The following KIF26B variants were observed in gnomAD, a reference collection of about 807,000 sequenced individuals.
KIF26B encodes the protein kinesin family member 26B, also known as kinesin-like protein KIF26B.
In KIF26B, 63 loss-of-function variants were observed where a neutral mutation model predicts 151.2. The ratio of observed to expected loss-of-function variants is 0.42; its 90% CI spans 0.34 to 0.51. The LOEUF is 0.51. Ranked by LOEUF, KIF26B falls within the 20% of genes least tolerant of loss-of-function variation. The pLI is 0.07. For missense variants in KIF26B, 2,813 were observed against 2,913.6 expected (o/e 0.97, Z 0.79); for synonymous variants, 1,357 against 1,262.1 (o/e 1.08, Z -1.59).
At chr1:245,260,870 A>G (rs1244447909) in intron 2 of KIF26B, among the ~76,000 whole-genome samples, 3 of 152,196 alleles carry the variant, frequency 2.0e-5, no homozygotes, top group African/African-American at 7.2e-5. Context: ...TTAACTCAAT[A>G]GCCTTCTTGT....
chr1:245,643,729 AT>A (rs2103183387), intron 9 of KIF26B, among the ~76,000 whole-genome samples: 1 of 152,270 alleles, frequency 6.6e-6, no homozygotes, highest in East Asian at 1.9e-4. Context: ...AAGTCAAAAA[AT>A]ATCTTTATTT....
chr1:245,482,012 C>T (rs186209342), intron 4 of KIF26B, among the ~76,000 whole-genome samples: 1 of 151,788 alleles, frequency 6.6e-6, no homozygotes, highest in Non-Finnish European at 1.5e-5. Context: ...AACGAGAGAG[C>T]ATATTTGATT....
At chr1:245,432,210 A>G (rs909336702) in intron 4 of KIF26B, among the ~76,000 whole-genome samples, 2 of 152,208 alleles carry the variant, frequency 1.3e-5, no homozygotes, top group Non-Finnish European at 2.9e-5. Flanking sequence ...CTAAGTCTCC[A>G]GATTGTCCTG....
chr1:245,287,332 C>A (rs1052658478), intron 2 of KIF26B, among the ~76,000 whole-genome samples: 4 of 151,926 alleles, frequency 2.6e-5, no homozygotes, highest in African/African-American at 9.7e-5. Flanking sequence ...CATTAAAAAG[C>A]AGAATTTGAG....
chr1:245,691,163 C>T (rs12143468), intron 12 of KIF26B, among the ~76,000 whole-genome samples: 88,607 of 151,734 alleles, frequency 0.58, 27,811 homozygotes, highest in Middle Eastern at 0.72. Flanking sequence ...TTGTTTTTTT[C>T]CCCAAGACTT....
intron 4 of KIF26B, among the ~76,000 whole-genome samples, chr1:245,511,590 T>TTGTG (rs1274482299): frequency 6.6e-6 from 1 of 152,144 alleles, no homozygotes; most frequent in African/African-American, 2.4e-5. Flanking sequence ...GGGTTTTTGT[T>TTGTG]TGTTTGTTTG....
chr1:245,212,387 G>A (rs78716917), intron 2 of KIF26B, among the ~76,000 whole-genome samples: 2 of 152,158 alleles, frequency 1.3e-5, no homozygotes, highest in East Asian at 3.9e-4. Flanking sequence ...TCTCTCCCAC[G>A]TGATGGGCGC....
chr1:245,580,102 A>G lies in KIF26B; in HGVS notation c.1351-22475A>G, dbSNP rs116424379. Among the ~76,000 whole-genome samples, 1,176 of 152,240 alleles carry G rather than the reference A, an allele frequency of 7.7e-3. 10 individuals are homozygous for G. Among genetic ancestry groups the G allele is most frequent in the Middle Eastern group, 0.031 (9 of 294 alleles). On this transcript the variant is annotated intron_variant, in intron 5 of 14. Transcript: ENST00000407071. ...CACTGTGTCAGCTGTCATTACCATAATGCTCTGAGCATAACTGCTGTAACA... is the reference window on the plus strand; with the variant it reads ...CACTGTGTCAGCTGTCATTACCATAGTGCTCTGAGCATAACTGCTGTAACA...
rs932489976 is a variant in KIF26B, at chr1:245,207,020, C to T, written c.465+50337C>T. Among the ~76,000 whole-genome samples the T allele has an allele frequency of 7.2e-5, 11 of 152,252 alleles. No individual in the cohort carries two copies. The East Asian group carries it at 7.7e-4, about 11-fold the overall frequency. ...TTAAATGGGATGTGTTTTGCTTTGACGATTTCGGCTTAGGGTCCTCGGAGA... is the reference window on the plus strand; with the variant it reads ...TTAAATGGGATGTGTTTTGCTTTGATGATTTCGGCTTAGGGTCCTCGGAGA... On this transcript the variant is annotated intron_variant, in intron 2 of 14. Transcript: ENST00000407071.
At chr1:245,364,407 ACC>A (rs1432530883) in intron 2 of KIF26B, among the ~76,000 whole-genome samples, 1 of 136,014 alleles carries the variant, frequency 7.4e-6, no homozygotes, top group African/African-American at 2.8e-5. Flanking sequence ...ATGACTTCTC[ACC>A]CTCTCTCTCT....
At chr1:245,447,251 T>C (rs1659268883) in intron 4 of KIF26B, among the ~76,000 whole-genome samples, 1 of 152,216 alleles carries the variant, frequency 6.6e-6, no homozygotes, top group Non-Finnish European at 1.5e-5. Context: ...TTGAGACTGA[T>C]GGTGCTAAGG....
At chr1:245,479,478 T>TTG (rs1558182593) in intron 4 of KIF26B, among the ~76,000 whole-genome samples, 3 of 151,784 alleles carry the variant, frequency 2.0e-5, no homozygotes, top group African/African-American at 7.2e-5. Context: ...TCAGAGTTTT[T>TTG]TTGTTGTTGT....
At chr1:245,671,270 A>C (rs2044282287) in intron 10 of KIF26B, among the ~76,000 whole-genome samples, 1 of 152,200 alleles carries the variant, frequency 6.6e-6, no homozygotes, top group Admixed American at 6.5e-5. Flanking sequence ...GTTGCTTCCA[A>C]ATCTAATGGA....
At chr1:245,224,055 C>T (rs1237696532) in intron 2 of KIF26B, among the ~76,000 whole-genome samples, 4 of 152,084 alleles carry the variant, frequency 2.6e-5, no homozygotes, top group East Asian at 3.9e-4. Context: ...GAGGCTGAGG[C>T]GGGTGGATCA....
At chr1:245,479,757 G>C (rs748797725) in intron 4 of KIF26B, among the ~76,000 whole-genome samples, 2 of 151,800 alleles carry the variant, frequency 1.3e-5, no homozygotes, top group Non-Finnish European at 2.9e-5. Flanking sequence ...AGACAGATGG[G>C]ATGCTGACTG....
chr1:245,444,210 A>AGGTCATCTCCTTCACTGTTCACCCTGC (rs1558168244), intron 4 of KIF26B, among the ~76,000 whole-genome samples: 18 of 137,650 alleles, frequency 1.3e-4, no homozygotes, highest in South Asian at 2.4e-4. Context: ...CCTAGAGGAG[A>AGGTCATCTCCTTCACTGTTCACCCTGC]GGTCATCTCC....
In KIF26B at chr1:245,458,611, A is replaced by G. The variant is rs144315028; in HGVS notation, c.1166+38866A>G. Among the ~76,000 whole-genome samples, 18 of 152,292 alleles carry G rather than the reference A, an allele frequency of 1.2e-4. No individual in the cohort carries two copies. In the East Asian group the frequency reaches 3.5e-3, roughly 29 times the overall value. ...AGCCTAGAGTAGACGCTCATAATAG[A>G]AAGGTCAAATAAAATTTTTTAGGAG... is the stretch of plus-strand genomic sequence containing the variant. On this transcript the variant is annotated intron_variant, in intron 4 of 14. Transcript: ENST00000407071.
chr1:245,590,707 A>G (rs1397102442), intron 5 of KIF26B, among the ~76,000 whole-genome samples: 1 of 152,166 alleles, frequency 6.6e-6, no homozygotes, highest in African/African-American at 2.4e-5. Context: ...CAGGAGTTCA[A>G]GACCAGCCCG....
chr1:245,687,601 G>C lies in KIF26B; in HGVS notation c.4618G>C (p.Ala1540Pro). 6.4e-7 allele frequency: 1 copy of C among 1,563,890 alleles called. No individual in the cohort carries two copies. Among genetic ancestry groups the C allele is most frequent in the Middle Eastern group, 1.7e-4 (1 of 6,010 alleles). The change falls in exon 12 of 15, where the codon GCC becomes CCC. Residue 1540 changes from alanine (A) to proline (P), a missense_variant. By Grantham distance (27) the Ala-to-Pro change is conservative. Transcript: ENST00000407071. The surrounding 1 kb of genome is among the most constrained non-coding windows in gnomAD (Gnocchi z 4.9). ...KSVKSSSLPRAFQKASRQEEP... is the reference protein window; with the variant it reads ...KSVKSSSLPRPFQKASRQEEP... ...CGTCAAGTCCAGCAGCCTTCCCAGG[G>C]CCTTTCAGAAGGCCAGCCGGCAGGA... is the stretch of plus-strand genomic sequence containing the variant.
Sources: allele counts gnomAD v4.1 joint callset (sites outside exome capture counted in the v4.1 genomes callset), GRCh38; gene constraint gnomAD v4.1.1; non-coding constraint Gnocchi (gnomAD v3.1); transcripts MANE v1.5; gene names NCBI Gene and HGNC (gene_info 2026-07-23, HGNC 2026-07-21).